Variants in NUDCD3 observed in about 807,000 individuals in gnomAD.
The protein encoded by NUDCD3 is NudC domain containing 3.
Under a neutral mutation model 39.7 loss-of-function variants are expected in NUDCD3, and 13 were observed. That is an observed-to-expected ratio of 0.33 (90% CI 0.21 to 0.52). The LOEUF (loss-of-function observed/expected upper bound fraction) is 0.52. NUDCD3 is among the 20% of genes least tolerant of loss of function. The probability of loss-of-function intolerance (pLI) is 0.96; values close to 1 mark genes in which losing one functional copy is unlikely to be tolerated. For synonymous variants in NUDCD3, 175 were observed against 172.4 expected, an observed-to-expected ratio of 1.02 and a Z score of -0.12; for missense variants, 453 against 458.1, an observed-to-expected ratio of 0.99 and a Z score of 0.10.
chr7:44,480,941 CAAAAAAAAA>C (rs1164765600), intron 2 of NUDCD3, among the ~76,000 whole-genome samples: 2 of 34,882 alleles, frequency 5.7e-5, no homozygotes, highest in Non-Finnish European at 9.8e-5. Context: ...GACCCAGTAT[CAAAAAAAAA>C]AAAAAAAAAA....
intron 2 of NUDCD3, among the ~76,000 whole-genome samples, chr7:44,479,397 A>G (rs1275523809): frequency 1.3e-5 from 2 of 152,234 alleles, no homozygotes; most frequent in South Asian, 2.1e-4. Context: ...AAAAATGCAT[A>G]TATAGAGGCA....
At chr7:44,458,298 G>A (rs1023911491) in intron 2 of NUDCD3, among the ~76,000 whole-genome samples, 1 of 152,196 alleles carries the variant, frequency 6.6e-6, no homozygotes, top group African/African-American at 2.4e-5. Flanking sequence ...TAATTGCCTA[G>A]GGCTGGGAGG....
chr7:44,397,795 C>T (rs1022043779), intron 4 of NUDCD3, among the ~76,000 whole-genome samples: 3 of 151,980 alleles, frequency 2.0e-5, no homozygotes, highest in Non-Finnish European at 2.9e-5. Context: ...TTCATCTTGG[C>T]CCTTTGTCCT....
intron 1 of NUDCD3, among the ~76,000 whole-genome samples, chr7:44,488,536 G>A (rs535044658): frequency 2.0e-5 from 3 of 151,490 alleles, no homozygotes; most frequent in Admixed American, 2.0e-4. Context: ...TCTCTCCCTC[G>A]GACCACTCCA....
At chr7:44,456,917 A>G (rs1397662898) in intron 2 of NUDCD3, among the ~76,000 whole-genome samples, 1 of 152,182 alleles carries the variant, frequency 6.6e-6, no homozygotes, top group East Asian at 1.9e-4. Context: ...TGGCAGGGTA[A>G]CAAGCTCATC....
At chr7:44,457,617 G>A (rs925568336) in intron 2 of NUDCD3, among the ~76,000 whole-genome samples, 1 of 152,094 alleles carries the variant, frequency 6.6e-6, no homozygotes, top group African/African-American at 2.4e-5. Flanking sequence ...CGAAACTAAT[G>A]GGAAAACATA....
intron 4 of NUDCD3, among the ~76,000 whole-genome samples, chr7:44,403,448 A>G (rs1038210161): frequency 2.0e-5 from 3 of 152,234 alleles, no homozygotes; most frequent in Non-Finnish European, 4.4e-5. Context: ...GTGTAGCCAG[A>G]GTGAGCTCCA....
intron 5 of NUDCD3, among the ~76,000 whole-genome samples, 170 bp downstream of exon 5, chr7:44,392,127 T>C (rs377507793): frequency 8.1e-4 from 123 of 152,262 alleles, no homozygotes; most frequent in African/African-American, 2.3e-3. Flanking sequence ...GAGGCAGTGA[T>C]TGGGGACAAG....
At chr7:44,441,356 T>A (rs1799581069) in intron 2 of NUDCD3, among the ~76,000 whole-genome samples, 1 of 152,204 alleles carries the variant, frequency 6.6e-6, no homozygotes. Context: ...ACTAGTGAGG[T>A]TATCTTTTGT....
chr7:44,485,194 C>T lies in NUDCD3; in HGVS notation c.283G>A (p.Glu95Lys), dbSNP rs773412531. ...EEKIRRKEEEEAKTVSAAAAE... is the reference protein window; with the variant it reads ...EEKIRRKEEEKAKTVSAAAAE... ...GCAGCAGCTGACACAGTCTTGGCCT[C>T]TTCCTCTTCCTTTCTTCTGATTTTC... The change falls in exon 2 of 6, where the codon GAG (glutamate) becomes AAG (lysine). Residue 95 changes from glutamate to lysine, a missense_variant. Physicochemically the swap from Glu to Lys is moderately conservative, Grantham distance 56. Coordinates refer to ENST00000355451, the MANE Select transcript of NUDCD3 (RefSeq NM_015332.4). The T allele has an allele frequency of 2.5e-6, 4 of 1,614,200 alleles. No homozygotes were observed. Among genetic ancestry groups the T allele is most frequent in the Non-Finnish European group, 2.5e-6 (3 of 1,180,028 alleles).
intron 2 of NUDCD3, among the ~76,000 whole-genome samples, chr7:44,475,723 C>T (rs1430794534): frequency 6.6e-6 from 1 of 151,686 alleles, no homozygotes; most frequent in Non-Finnish European, 1.5e-5. Flanking sequence ...TTGCACCGTG[C>T]TCCACTATAT....
chr7:44,386,200 G>A, intron 5 of NUDCD3, 79 bp from the exon 6 acceptor site: 3 of 1,482,612 alleles, frequency 2.0e-6, no homozygotes, highest in Non-Finnish European at 2.8e-6. Context: ...CTGACTGCAG[G>A]TAGAGAGCCT....
intron 3 of NUDCD3, among the ~76,000 whole-genome samples, chr7:44,407,870 GAT>G (rs1798858280): frequency 6.6e-6 from 1 of 152,094 alleles, no homozygotes; most frequent in Non-Finnish European, 1.5e-5. Context: ...TAGAAACACA[GAT>G]CAATTCAGGC....
intron 5 of NUDCD3, among the ~76,000 whole-genome samples, chr7:44,388,272 T>G (rs1798434655): frequency 6.6e-6 from 1 of 152,248 alleles, no homozygotes; most frequent in Non-Finnish European, 1.5e-5. Context: ...AGATGGAGGC[T>G]GACAGGAGAA....
chr7:44,476,288 A>T (rs1800367146), intron 2 of NUDCD3, among the ~76,000 whole-genome samples: 4 of 152,218 alleles, frequency 2.6e-5, no homozygotes, highest in Admixed American at 2.6e-4. Flanking sequence ...CACAGATGTC[A>T]TGATAGGTGT....
chr7:44,404,415 C>T (rs751176419), intron 4 of NUDCD3, 25 bp downstream of exon 4: 1 of 1,608,688 alleles, frequency 6.2e-7, no homozygotes, highest in East Asian at 2.2e-5. Flanking sequence ...ACCTGGGAGC[C>T]CTACACACAG....
intron 2 of NUDCD3, among the ~76,000 whole-genome samples, chr7:44,462,026 C>A (rs1035702609): frequency 2.0e-5 from 3 of 152,122 alleles, no homozygotes; most frequent in Non-Finnish European, 2.9e-5. Flanking sequence ...GTCCCTGAAC[C>A]CAGGTAGTCT....
intron 2 of NUDCD3, among the ~76,000 whole-genome samples, chr7:44,450,898 A>G (rs111614256): frequency 9.1e-4 from 139 of 152,324 alleles, no homozygotes; most frequent in African/African-American, 3.1e-3. Context: ...ACACAACCCA[A>G]TATTAATCAA....
At chr7:44,444,263 A>G (rs529021192) in intron 2 of NUDCD3, among the ~76,000 whole-genome samples, 11 of 152,320 alleles carry the variant, frequency 7.2e-5, no homozygotes, top group African/African-American at 2.6e-4. Flanking sequence ...CTTGGCCTGT[A>G]AATCTAAAAA....
Sources: gnomAD v4.1 joint callset for allele counts (sites outside exome capture counted in the v4.1 genomes callset) on GRCh38, gnomAD v4.1.1 for gene constraint, MANE v1.5 for transcripts, NCBI Gene and HGNC (gene_info 2026-07-23, HGNC 2026-07-21) for gene names.